Variants in TF observed in about 807,000 individuals in gnomAD.
The protein encoded by TF is serotransferrin.
Under a neutral mutation model 82.4 loss-of-function variants are expected in TF, and 55 were observed. That is an observed-to-expected ratio of 0.67 (90% confidence interval 0.54 to 0.84). The LOEUF is 0.84. TF is among the 40% of genes least tolerant of loss of function. TF has a pLI of 0.00. For missense variants in TF, 737 were observed against 868.4 expected (o/e 0.85, Z 1.90); for synonymous variants, 332 against 332.6 (o/e 1.00, Z 0.02).
chr3:133,700,980 G>C, the TF span: 2 of 152,532 alleles, frequency 1.3e-5, no homozygotes, highest in South Asian at 4.2e-4. Flanking sequence ...GGTTTTTAAT[G>C]GTCCCACCTA....
chr3:133,666,285 G>A, the TF span, among the ~76,000 whole-genome samples: 1 of 152,066 alleles, frequency 6.6e-6, no homozygotes, highest in Non-Finnish European at 1.5e-5. Flanking sequence ...CGATTCTTCT[G>A]CCTCAGCCTC....
the TF span, chr3:133,699,512 G>T: frequency 9.1e-7 from 1 of 1,102,678 alleles, no homozygotes; most frequent in South Asian, 1.2e-5. Context: ...CCCAGAAGCT[G>T]GTAGTTGGAT....
At chr3:133,744,983 G>C (rs1041582440), upstream of TF, among the ~76,000 whole-genome samples, 1 of 152,156 alleles carries the variant, frequency 6.6e-6, no homozygotes, top group African/African-American at 2.4e-5. Context: ...GGTGAAAAGG[G>C]GAGTGCCGAC....
chr3:133,744,231 T>C (rs1191173089), upstream of TF, among the ~76,000 whole-genome samples: 1 of 152,240 alleles, frequency 6.6e-6, no homozygotes, highest in Non-Finnish European at 1.5e-5. Flanking sequence ...GCTGGAGGAC[T>C]GGCCTCAGCG....
the TF span, among the ~76,000 whole-genome samples, chr3:133,696,372 A>G: frequency 1.6e-5 from 1 of 63,168 alleles, no homozygotes; most frequent in East Asian, 2.6e-4. Flanking sequence ...ATCAGACTTT[A>G]TCATAAGTAT....
At chr3:133,723,519 T>C in the TF span, among the ~76,000 whole-genome samples, 1 of 149,558 alleles carries the variant, frequency 6.7e-6, no homozygotes, top group Non-Finnish European at 1.5e-5. Flanking sequence ...TTAAAATAAC[T>C]ATCTTCAAGT....
the TF span, among the ~76,000 whole-genome samples, chr3:133,683,817 T>C: frequency 1.2e-4 from 18 of 152,118 alleles, no homozygotes; most frequent in Non-Finnish European, 2.2e-4. Context: ...AACAAGGATA[T>C]CCAGGACTTG....
At position 133,783,980 on chromosome 3, in the gene TF, C is replaced by T. The variant is rs1934579639; in HGVS notation, c.*5360C>T. 6.6e-6 allele frequency: 1 copy of T among 152,630 alleles called. No individual in the cohort carries two copies. The highest frequency in any genetic ancestry group is 1.5e-5 in the Non-Finnish European group (1 of 68,366). 9.5% of individuals were successfully genotyped at this position (152,630 alleles called of 1,614,324 possible). ...GCGGCCCCAACGCCGCGGAGGCCAC[C>T]AGCGGGTGCAGAGGGCCAGGAAAGC... On this transcript the variant is annotated 3_prime_UTR_variant, in exon 17 of 17. Coordinates refer to ENST00000402696, the MANE Select transcript of TF (RefSeq NM_001063.4).
the TF span, among the ~76,000 whole-genome samples, chr3:133,668,995 A>ATTTTCTT: frequency 1.3e-5 from 2 of 150,588 alleles, no homozygotes; most frequent in South Asian, 4.2e-4. Flanking sequence ...TCACATCTCT[A>ATTTTCTT]TTTTCTTTTT....
At position 133,775,511 on chromosome 3, in the gene TF, C is replaced by G. The variant is rs1376049125; in HGVS notation, c.1766C>G (p.Pro589Arg). The change falls in exon 15 of 17, where the codon CCT becomes CGT. Residue 589 changes from proline (P) to arginine (R), a missense_variant. Transcript: ENST00000402696. ...CTGTGCCTTGATGGTACCAGGAAAC[C>G]TGTGGAGGAGTATGCGAACTGCCAC... ...ELLCLDGTRK[P>R]VEEYANCHLA... 1 of 1,614,176 alleles carries G rather than the reference C, an allele frequency of 6.2e-7. No individual in the cohort carries two copies. The highest frequency in any genetic ancestry group is 2.2e-5 in the East Asian group (1 of 44,874).
At position 133,781,389 on chromosome 3, in the gene TF, G is replaced by T. The variant is rs1934513966; in HGVS notation, c.*2769G>T. 1 of 151,760 alleles carries T rather than the reference G, an allele frequency of 6.6e-6. No individual in the cohort carries two copies. Among genetic ancestry groups the T allele is most frequent in the African/African-American group, 2.4e-5 (1 of 41,348 alleles). The allele number at this position is 151,760 out of a possible 1,614,324, so 9.4% of individuals were successfully genotyped here. On this transcript the variant is annotated 3_prime_UTR_variant, in exon 17 of 17. Transcript: ENST00000402696. ...AAGATAAAATTCAGTAAAGTGAAAGGAAATATTAAAATAAAAAATAACTTT... is the reference window on the plus strand; with the variant it reads ...AAGATAAAATTCAGTAAAGTGAAAGTAAATATTAAAATAAAAAATAACTTT...
chr3:133,784,520 G>A lies in TF; in HGVS notation c.*5900G>A, dbSNP rs899419628. 2 of 150,858 alleles carry A rather than the reference G, an allele frequency of 1.3e-5. No homozygotes were observed. Among genetic ancestry groups the A allele is most frequent in the African/African-American group, 4.9e-5 (2 of 40,970 alleles). The allele number at this position is 150,858 out of a possible 1,614,324, so 9.3% of individuals were successfully genotyped here. The stretch of plus-strand genomic sequence containing the variant: ...TAATAATAATAATAGGACATAAATG[G>A]CTTCTGGAGATGACTTTTTGCAATG... On this transcript the variant is annotated 3_prime_UTR_variant, in exon 17 of 17. Coordinates refer to ENST00000402696, the MANE Select transcript of TF (RefSeq NM_001063.4).
chr3:133,749,913 TAAA>T (rs1413685581), intron 2 of TF, among the ~76,000 whole-genome samples: 9 of 151,986 alleles, frequency 5.9e-5, no homozygotes, highest in Admixed American at 5.9e-4. Context: ...GTCAGAGAAG[TAAA>T]AAGGTAGAAA....
chr3:133,669,879 A>G, the TF span, among the ~76,000 whole-genome samples: 2 of 152,210 alleles, frequency 1.3e-5, no homozygotes, highest in Non-Finnish European at 2.9e-5. Context: ...TTCCAACCTT[A>G]TATTAGAATG....
the TF span, among the ~76,000 whole-genome samples, chr3:133,693,703 G>A: frequency 6.6e-6 from 1 of 152,182 alleles, no homozygotes; most frequent in East Asian, 1.9e-4. Flanking sequence ...TTTTCCAGAA[G>A]GCATATCCCA....
chr3:133,753,706 A>G lies in TF; in HGVS notation c.325+3A>G, dbSNP rs773266721. On this transcript the variant is annotated splice_donor_region_variant and intron_variant, in intron 3 of 16. Transcript: ENST00000402696. Reference sequence around the variant, plus strand: ...AGAGTTCTATGGGTCAAAAGAGGGTAAGTTCTCCCTGGGACCCCAGGAAGG... The same window carrying G: ...AGAGTTCTATGGGTCAAAAGAGGGTGAGTTCTCCCTGGGACCCCAGGAAGG... 5 of 1,610,890 alleles carry G rather than the reference A, an allele frequency of 3.1e-6. 1 individual carries two copies. In the South Asian group the frequency reaches 5.5e-5, roughly 18 times the overall value.
Position 133,794,594 on chromosome 3 carries a change from A to G in TF, c.*15974A>G, listed in dbSNP as rs1388314888. ...ATTGTATCTTCTGAAAACATTGGATAAAGACTGTCCTTGCCATCCACACTA... is the reference window on the plus strand; with the variant it reads ...ATTGTATCTTCTGAAAACATTGGATGAAGACTGTCCTTGCCATCCACACTA... On this transcript the variant is annotated 3_prime_UTR_variant, in exon 17 of 17. Coordinates refer to ENST00000402696, the MANE Select transcript of TF (RefSeq NM_001063.4). The G allele has an allele frequency of 2.0e-5, 3 of 152,362 alleles. No homozygotes were observed. Among genetic ancestry groups the G allele is most frequent in the Admixed American group, 1.3e-4 (2 of 15,308 alleles). The allele number at this position is 152,362 out of a possible 1,614,324, so 9.4% of individuals were successfully genotyped here. A position where few individuals can be genotyped will look rare whatever the true frequency, so the allele number is the denominator to read the frequency against.
At chr3:133,732,610 A>G in the TF span, among the ~76,000 whole-genome samples, 1 of 152,208 alleles carries the variant, frequency 6.6e-6, no homozygotes, top group Non-Finnish European at 1.5e-5. Flanking sequence ...CACTACCTTT[A>G]TGAGCTGTAA....
chr3:133,682,354 G>A, the TF span, among the ~76,000 whole-genome samples: 1 of 152,202 alleles, frequency 6.6e-6, no homozygotes, highest in Non-Finnish European at 1.5e-5. Context: ...GACAGAGAAT[G>A]ACTTTGACGA....
Sources: allele counts gnomAD v4.1 joint callset (sites outside exome capture counted in the v4.1 genomes callset), GRCh38; gene constraint gnomAD v4.1.1; transcripts MANE v1.5; gene names NCBI Gene and HGNC (gene_info 2026-07-23, HGNC 2026-07-21).